Variants in MTUS2 observed in about 807,000 individuals in gnomAD.
MTUS2 encodes microtubule associated scaffold protein 2, also known as microtubule-associated tumor suppressor candidate 2.
A neutral mutation model predicts 114.1 loss-of-function variants in MTUS2; 40 were observed. The ratio of observed to expected loss-of-function variants is 0.35; its 90% confidence interval spans 0.27 to 0.46. The LOEUF is 0.46. Among genes scored for constraint, MTUS2 ranks in the 20% least tolerant of loss-of-function variants. The probability of loss-of-function intolerance (pLI) is 1.00; values close to 1 mark genes in which losing one functional copy is unlikely to be tolerated. For missense variants in MTUS2, 1,679 were observed against 1,705.4 expected (o/e 0.98, Z 0.27); for synonymous variants, 688 against 672.0 (o/e 1.02, Z -0.37).
rs536215057 is a variant in MTUS2, at chr13:28,921,198, C to T, written c.-243+81348C>T. 3.3e-5 allele frequency among the ~76,000 whole-genome samples: 5 copies of T among 152,362 alleles called. No individual in the cohort carries two copies. In the South Asian group the frequency reaches 6.2e-4, roughly 19 times the overall value. ...CATCTCAGAGCCCAAGGCCCATGGC[C>T]TATCACCTGGGTATGGCTGCTGGGT... On this transcript the variant is annotated intron_variant, in intron 2 of 15. Transcript: ENST00000612955.
At chr13:29,147,589 C>G (rs559727811) in intron 5 of MTUS2, among the ~76,000 whole-genome samples, 1 of 152,098 alleles carries the variant, frequency 6.6e-6, no homozygotes, top group Non-Finnish European at 1.5e-5. Flanking sequence ...TCCCTTCTCT[C>G]TCTCTCCCCG....
At chr13:28,830,727 C>A (rs1874611520) in intron 1 of MTUS2, among the ~76,000 whole-genome samples, 1 of 151,936 alleles carries the variant, frequency 6.6e-6, no homozygotes, top group East Asian at 1.9e-4. Context: ...AGTAAGGGGA[C>A]AGAAAGATTA....
chr13:28,928,909 G>A (rs1008072372), intron 2 of MTUS2, among the ~76,000 whole-genome samples: 2 of 152,164 alleles, frequency 1.3e-5, no homozygotes, highest in African/African-American at 2.4e-5. Flanking sequence ...ATATGTGTGC[G>A]TATGTGTGTG....
intron 2 of MTUS2, among the ~76,000 whole-genome samples, chr13:28,923,506 T>A (rs1376937681): frequency 6.6e-6 from 1 of 152,208 alleles, no homozygotes; most frequent in Non-Finnish European, 1.5e-5. Flanking sequence ...GTTTGGTGTA[T>A]CTCATGCCAT....
intron 2 of MTUS2, among the ~76,000 whole-genome samples, chr13:28,850,325 C>T (rs1876183357): frequency 6.6e-6 from 1 of 152,230 alleles, no homozygotes; most frequent in Admixed American, 6.5e-5. Flanking sequence ...GCCCTGTTTT[C>T]TCAGGGTTCA....
At chr13:29,305,760 G>C (rs568546925) in intron 6 of MTUS2, among the ~76,000 whole-genome samples, 1 of 152,162 alleles carries the variant, frequency 6.6e-6, no homozygotes, top group South Asian at 2.1e-4. Flanking sequence ...AAATTGAAGA[G>C]GAGGGACTCC....
At chr13:29,440,187 A>G in intron 9 of MTUS2, 138 bp downstream of exon 9, 1 of 790,320 alleles carries the variant, frequency 1.3e-6, no homozygotes, top group African/African-American at 1.8e-5. Context: ...CACCCAGCAC[A>G]GTGGTGGGCT....
At chr13:28,836,071 T>A (rs923193874) in intron 1 of MTUS2, among the ~76,000 whole-genome samples, 1 of 152,196 alleles carries the variant, frequency 6.6e-6, no homozygotes, top group Admixed American at 6.5e-5. Context: ...AATAGAAATA[T>A]AATGTGAGCT....
chr13:28,932,213 T>C (rs73161872), intron 2 of MTUS2, among the ~76,000 whole-genome samples: 12,777 of 152,090 alleles, frequency 0.084, 601 homozygotes, highest in South Asian at 0.13. Context: ...AGTAAGGTCT[T>C]TGGAACGGAC....
chr13:29,281,241 C>G (rs776814599), intron 5 of MTUS2, among the ~76,000 whole-genome samples: 40 of 152,134 alleles, frequency 2.6e-4, no homozygotes, highest in Non-Finnish European at 4.7e-4. Context: ...AATAAAATTC[C>G]TGGGCTCATG....
chr13:29,361,234 C>T (rs1870224608), intron 8 of MTUS2, among the ~76,000 whole-genome samples: 1 of 152,266 alleles, frequency 6.6e-6, no homozygotes, highest in Admixed American at 6.5e-5. Context: ...TCCACTGGAC[C>T]TCTCTGCTAC....
rs1891679008 is a variant in MTUS2 at position 29,129,776 on chromosome 13, G to C, written c.2644+28806G>C. ...ATGCTGGTTCTCAGGGGCAGCCTTG[G>C]TACTTCAGTATGGTGTGCACTGTTG... On this transcript the variant is annotated intron_variant, in intron 5 of 15. Coordinates refer to ENST00000612955, the MANE Select transcript of MTUS2 (RefSeq NM_001033602.4). Among the ~76,000 whole-genome samples, 3 of 152,154 alleles carry C rather than the reference G, an allele frequency of 2.0e-5. No homozygotes were observed. The South Asian group carries it at 6.2e-4, about 32-fold the overall frequency.
intron 14 of MTUS2, 59 bp from the exon 15 acceptor site, chr13:29,501,038 C>G: frequency 1.4e-6 from 2 of 1,393,560 alleles, no homozygotes; most frequent in Non-Finnish European, 1.0e-6. Context: ...CTGAGGGCAC[C>G]GGTTTACTCC....
intron 8 of MTUS2, among the ~76,000 whole-genome samples, chr13:29,415,512 G>A (rs958351202): frequency 3.7e-4 from 56 of 152,290 alleles, no homozygotes; most frequent in African/African-American, 1.2e-3. Context: ...TTGGATATCA[G>A]ATTGCTACCT....
intron 2 of MTUS2, among the ~76,000 whole-genome samples, chr13:28,906,748 A>C (rs1001194777): frequency 6.6e-6 from 1 of 151,344 alleles, no homozygotes; most frequent in African/African-American, 2.4e-5. Flanking sequence ...TGGGGTGGAG[A>C]GTTCTGTAGA....
intron 4 of MTUS2, among the ~76,000 whole-genome samples, chr13:29,045,147 A>G (rs1316747736): frequency 6.6e-6 from 1 of 152,160 alleles, no homozygotes; most frequent in Non-Finnish European, 1.5e-5. Context: ...TACGTAATAT[A>G]AGATAGTCAT....
chr13:29,370,886 A>C (rs1232632276), intron 8 of MTUS2, among the ~76,000 whole-genome samples: 2 of 152,240 alleles, frequency 1.3e-5, no homozygotes, highest in Non-Finnish European at 2.9e-5. Flanking sequence ...TAGCTCCATT[A>C]ATTTCAGACA....
chr13:28,951,476 T>G (rs557698964), intron 2 of MTUS2, among the ~76,000 whole-genome samples: 6 of 152,290 alleles, frequency 3.9e-5, no homozygotes, highest in Middle Eastern at 3.4e-3. Context: ...CTCCTAGTTT[T>G]GTGAGTGCAT....
At chr13:29,091,313 C>A (rs1889937039) in intron 4 of MTUS2, among the ~76,000 whole-genome samples, 1 of 152,066 alleles carries the variant, frequency 6.6e-6, no homozygotes, top group African/African-American at 2.4e-5. Flanking sequence ...CAAGTAGAGT[C>A]TGAATTAACC....
Sources: gnomAD v4.1 joint callset for allele counts (sites outside exome capture counted in the v4.1 genomes callset) on GRCh38, gnomAD v4.1.1 for gene constraint, MANE v1.5 for transcripts, NCBI Gene and HGNC (gene_info 2026-07-23, HGNC 2026-07-21) for gene names.